The following FHOD3 variants were observed in gnomAD, a reference collection of about 807,000 sequenced individuals.
FHOD3 encodes formin homology 2 domain containing 3.
FHOD3 carries 90 observed loss-of-function variants against 173.0 expected under a neutral mutation model. That is an observed-to-expected ratio of 0.52 (90% confidence interval 0.44 to 0.62). The LOEUF (loss-of-function observed/expected upper bound fraction) is 0.62, where lower values mean the gene tolerates loss of function less well. Ranked by LOEUF, FHOD3 falls within the 20% of genes least tolerant of loss-of-function variation. The probability of loss-of-function intolerance (pLI) is 0.00; values close to 1 mark genes in which losing one functional copy is unlikely to be tolerated. For missense variants in FHOD3, 1,945 were observed against 2,034.7 expected (o/e 0.96, Z 0.85); for synonymous variants, 828 against 823.0 (o/e 1.01, Z -0.10).
intron 17 of FHOD3, among the ~76,000 whole-genome samples, chr18:36,703,128 C>T (rs1229851815): frequency 6.6e-6 from 1 of 152,140 alleles, no homozygotes; most frequent in Non-Finnish European, 1.5e-5. Flanking sequence ...ACTGTTCCCA[C>T]CTTCAGGCCT....
intron 5 of FHOD3, among the ~76,000 whole-genome samples, chr18:36,532,829 G>T (rs1023685060): frequency 7.9e-5 from 12 of 152,200 alleles, no homozygotes; most frequent in South Asian, 2.1e-4. Flanking sequence ...TTTGGAAAAG[G>T]TTCCATTAAA....
intron 14 of FHOD3, 63 bp from the exon 15 acceptor site, chr18:36,681,373 G>A: frequency 6.3e-7 from 1 of 1,599,376 alleles, no homozygotes; most frequent in Non-Finnish European, 8.5e-7. Flanking sequence ...TCTGACTGGT[G>A]CTTACTTCAG....
At chr18:36,517,759 A>G (rs958900997) in intron 5 of FHOD3, among the ~76,000 whole-genome samples, 1 of 152,210 alleles carries the variant, frequency 6.6e-6, no homozygotes, top group Non-Finnish European at 1.5e-5. Flanking sequence ...GCCCTCATAT[A>G]TTGTTAAATG....
At chr18:36,483,387 C>T (rs962797209) in intron 3 of FHOD3, among the ~76,000 whole-genome samples, 4 of 152,178 alleles carry the variant, frequency 2.6e-5, no homozygotes, top group Non-Finnish European at 5.9e-5. Context: ...CAACCACTGT[C>T]CTGGAACCAA....
chr18:36,405,075 C>A (rs2048996070), intron 3 of FHOD3, among the ~76,000 whole-genome samples: 1 of 152,314 alleles, frequency 6.6e-6, no homozygotes, highest in South Asian at 2.1e-4. Context: ...CTTGGGGTAT[C>A]CATAGCTGGG....
intron 9 of FHOD3, among the ~76,000 whole-genome samples, chr18:36,618,311 G>GTTTTTT (rs34019893): frequency 5.6e-5 from 4 of 70,840 alleles, no homozygotes; most frequent in African/African-American, 1.1e-4. Flanking sequence ...TTTTTTGGTG[G>GTTTTTT]TTTTTTTTTT....
intron 3 of FHOD3, among the ~76,000 whole-genome samples, chr18:36,499,821 T>G (rs988869982): frequency 7.2e-5 from 11 of 152,188 alleles, no homozygotes; most frequent in African/African-American, 2.7e-4. Flanking sequence ...AGGCTCCTAC[T>G]TTTTAGAAAG....
chr18:36,585,121 C>T (rs1447613779), intron 6 of FHOD3, among the ~76,000 whole-genome samples: 1 of 152,132 alleles, frequency 6.6e-6, no homozygotes, highest in Admixed American at 6.6e-5. Context: ...TTCGACTTTT[C>T]TCATCTTGTT....
At chr18:36,372,842 GC>G (rs1568185729) in intron 3 of FHOD3, 98 bp downstream of exon 3, 2 of 1,002,700 alleles carry the variant, frequency 2.0e-6, no homozygotes, top group African/African-American at 3.2e-5. Flanking sequence ...GTTTGCACTA[GC>G]CCCTATCATG....
intron 5 of FHOD3, among the ~76,000 whole-genome samples, chr18:36,572,297 C>T (rs955264408): frequency 2.0e-5 from 3 of 152,184 alleles, no homozygotes; most frequent in Admixed American, 6.5e-5. Flanking sequence ...ATTTTCATGG[C>T]TCCTGTGACC....
intron 5 of FHOD3, among the ~76,000 whole-genome samples, chr18:36,565,403 T>G (rs2058228658): frequency 6.6e-6 from 1 of 152,220 alleles, no homozygotes; most frequent in Non-Finnish European, 1.5e-5. Flanking sequence ...TCACTGCACA[T>G]TTTCAGAGCT....
chr18:36,320,534 C>T (rs149278612), intron 1 of FHOD3, among the ~76,000 whole-genome samples: 1 of 152,328 alleles, frequency 6.6e-6, no homozygotes, highest in East Asian at 1.9e-4. Flanking sequence ...GATGGATTCA[C>T]AGCCAAATTC....
chr18:36,655,657 C>T (rs1159208578), intron 13 of FHOD3, among the ~76,000 whole-genome samples: 1 of 152,012 alleles, frequency 6.6e-6, no homozygotes, highest in African/African-American at 2.4e-5. Flanking sequence ...GTCTGTGTGA[C>T]CACAGATGGA....
intron 25 of FHOD3, among the ~76,000 whole-genome samples, chr18:36,758,498 A>T (rs1269553420): frequency 3.9e-5 from 6 of 152,204 alleles, no homozygotes; most frequent in Non-Finnish European, 1.5e-5. Flanking sequence ...AAAATAAATT[A>T]ATTTCATGCT....
At chr18:36,726,342 C>T (rs1265423845) in intron 19 of FHOD3, among the ~76,000 whole-genome samples, 1 of 151,868 alleles carries the variant, frequency 6.6e-6, no homozygotes, top group African/African-American at 2.4e-5. Context: ...GCTTTGTTTC[C>T]TTGTTTGGGT....
chr18:36,740,939 C>A (rs2041872381), intron 21 of FHOD3, 101 bp downstream of exon 21: 3 of 1,188,584 alleles, frequency 2.5e-6, no homozygotes, highest in Non-Finnish European at 1.2e-6. Flanking sequence ...TCATTCTTGG[C>A]ATAGGGTACG....
At chr18:36,479,543 G>A (rs2053767833) in intron 3 of FHOD3, among the ~76,000 whole-genome samples, 1 of 152,064 alleles carries the variant, frequency 6.6e-6, no homozygotes, top group Admixed American at 6.5e-5. Flanking sequence ...CCTAACAGTA[G>A]CATGTAAGGA....
chr18:36,624,787 A>G (rs2033972980), intron 9 of FHOD3, among the ~76,000 whole-genome samples: 1 of 152,156 alleles, frequency 6.6e-6, no homozygotes, highest in Non-Finnish European at 1.5e-5. Context: ...CTGCACAAAT[A>G]TGCGTCACTC....
At chr18:36,622,144 G>A (rs1355494054) in intron 9 of FHOD3, among the ~76,000 whole-genome samples, 5 of 152,200 alleles carry the variant, frequency 3.3e-5, no homozygotes, top group African/African-American at 9.6e-5. Context: ...ACTCACAGAA[G>A]CAGAGAGTAG....
Sources: allele counts gnomAD v4.1 joint callset (sites outside exome capture counted in the v4.1 genomes callset), GRCh38; gene constraint gnomAD v4.1.1; transcripts MANE v1.5; gene names NCBI Gene and HGNC (gene_info 2026-07-23, HGNC 2026-07-21).